SLC34A3: variants seen among roughly 807,000 people sequenced by gnomAD.
SLC34A3 encodes sodium-dependent phosphate transport protein 2C.
SLC34A3 carries 60 observed loss-of-function variants against 43.9 expected under a neutral mutation model. That is an observed-to-expected ratio of 1.37 (90% confidence interval 1.11 to 1.70). The LOEUF is 1.70. SLC34A3 is among the 40% of genes most tolerant of loss of function. SLC34A3 has a pLI of 0.00. For synonymous variants in SLC34A3, 451 were observed against 386.2 expected (o/e 1.17, Z -1.97); for missense variants, 969 against 823.8 (o/e 1.18, Z -2.16).
intron 7 of SLC34A3, 31 bp downstream of exon 7, chr9:137,233,435 G>C: frequency 2.5e-6 from 4 of 1,590,260 alleles, no homozygotes; most frequent in Non-Finnish European, 3.4e-6. Context: ...CGCCCAGAGA[G>C]CCTGAGCAGG....
In SLC34A3 at chr9:137,232,994, C is replaced by G. The variant is rs562371503; in HGVS notation, c.449-10C>G. On this transcript the variant is annotated splice_polypyrimidine_tract_variant and intron_variant, in intron 5 of 12. Coordinates refer to ENST00000673835, the MANE Select transcript of SLC34A3 (RefSeq NM_001177316.2). ...TGGGCCGCAGGCTGACTCAGCCCCCCCACCAGCAGTGCTGACTGTCCGGGT... is the reference window on the plus strand; with the variant it reads ...TGGGCCGCAGGCTGACTCAGCCCCCGCACCAGCAGTGCTGACTGTCCGGGT... 3.4e-5 allele frequency: 55 copies of G among 1,610,724 alleles called. No homozygotes were observed. Among genetic ancestry groups the G allele is most frequent in the Non-Finnish European group, 4.5e-5 (53 of 1,179,318 alleles).
Position 137,234,053 on chromosome 9 carries a change from G to GGCCCCC in SLC34A3, c.926-56_926-55insGCCCCC. On this transcript the variant is annotated intron_variant, in intron 9 of 12. Coordinates refer to ENST00000673835, the MANE Select transcript of SLC34A3 (RefSeq NM_001177316.2). This position sits in a 1 kb window ranked among gnomAD's most constrained non-coding sequence, Gnocchi z 6.9. ...CGGACAGGCTGCCCTGTGAGGCCCG[G>GGCCCCC]CCCACCCCGGCCCACCCCCCAGGCT... is the stretch of plus-strand genomic sequence containing the variant. The GGCCCCC allele has an allele frequency of 7.7e-7, 1 of 1,302,248 alleles. No individual in the cohort carries two copies. The highest frequency in any genetic ancestry group is 1.1e-6 in the Non-Finnish European group (1 of 939,804). The allele number at this position is 1,302,248 out of a possible 1,614,324, so 80.7% of individuals were successfully genotyped here. A position where few individuals can be genotyped will look rare whatever the true frequency, so the allele number is the denominator to read the frequency against.
chr9:137,233,779 T>TTGGGGGGCCCCCCCC, intron 8 of SLC34A3, 57 bp downstream of exon 8: 1 of 1,445,808 alleles, frequency 6.9e-7, no homozygotes, highest in South Asian at 1.2e-5. Flanking sequence ...TGCTGAGTCA[T>TTGGGGGGCCCCCCCC]CCCGCCCCAC....
chr9:137,233,245 C>T lies in SLC34A3; in HGVS notation c.597C>T (p.Asn199=). ...GCTCGGCGGTGCACGGGATCTTCAA[C>T]TGGCTCACAGTGCTGGTCCTGCTGC... ...FSGSAVHGIF[N]WLTVLVLLPL... Residue 199 remains asparagine (N), a synonymous_variant, in exon 7 of 13, where the codon AAC becomes AAT. Coordinates refer to ENST00000673835, the MANE Select transcript of SLC34A3 (RefSeq NM_001177316.2). The T allele has an allele frequency of 6.3e-7, 1 of 1,578,268 alleles. No individual in the cohort carries two copies. Among genetic ancestry groups the T allele is most frequent in the Non-Finnish European group, 8.6e-7 (1 of 1,162,184 alleles).
At position 137,234,711 on chromosome 9, in the gene SLC34A3, A is replaced by T. The variant is rs1224830012; in HGVS notation, c.1315A>T (p.Arg439Trp). The change falls in exon 12 of 13, where the codon AGG becomes TGG. Residue 439 changes from arginine to tryptophan, a missense_variant. Physicochemically the swap from Arg to Trp is moderately radical, Grantham distance 101 (BLOSUM62 -3). Transcript: ENST00000673835. This position sits in a 1 kb window ranked among gnomAD's most constrained non-coding sequence, Gnocchi z 6.9. ...GGCTGCCCTGGCCAGCCCCGCAGAC[A>T]GGATGCTCAGCGCCCTGCAGGTACT... ...LLAALASPAD[R>W]MLSALQVALI... The T allele has an allele frequency of 6.2e-7, 1 of 1,611,004 alleles. No individual in the cohort carries two copies. Among genetic ancestry groups the T allele is most frequent in the South Asian group, 1.1e-5 (1 of 91,082 alleles).
rs570528948 is a variant in SLC34A3, at chr9:137,232,610, G to A, written c.211G>A (p.Gly71Ser). The A allele has an allele frequency of 7.4e-5, 120 of 1,612,248 alleles. No homozygotes were observed. The South Asian group carries it at 9.4e-4, about 13-fold the overall frequency. Residue 71 changes from glycine to serine, a missense_variant, in exon 4 of 13, where the codon GGC becomes AGC. Physicochemically the swap from Gly to Ser is moderately conservative, Grantham distance 56 (BLOSUM62 0). Coordinates refer to ENST00000673835, the MANE Select transcript of SLC34A3 (RefSeq NM_001177316.2). ...RVAGRLRRVA[G>S]SVLKACGLLG... ...GGCCGGCAGGCTGCGCCGCGTGGCC[G>A]GCAGCGTCCTCAAGGCCTGCGGGCT...
chr9:137,233,060 A>G lies in SLC34A3; in HGVS notation c.505A>G (p.Ile169Val), dbSNP rs1836337975. 1 of 1,611,390 alleles carries G rather than the reference A, an allele frequency of 6.2e-7. No homozygotes were observed. The highest frequency in any genetic ancestry group is 1.3e-5 in the African/African-American group (1 of 74,798). Residue 169 changes from isoleucine to valine, a missense_variant, in exon 6 of 13, where the codon ATC becomes GTC. Ile to Val is a conservative substitution (Grantham distance 29). Transcript: ENST00000673835. ...IIMGVNVGTS[I>V]TSTLVSMAQS... ...CATGGGTGTCAACGTAGGCACATCC[A>G]TCACCAGCACCCTGGTCTCAATGGC...
In SLC34A3 at chr9:137,233,121, T is replaced by C. The variant is rs758554371; in HGVS notation, c.560+6T>C. On this transcript the variant is annotated splice_donor_region_variant and intron_variant, in intron 6 of 12. Transcript: ENST00000673835. ...GACCGGGATGAATTTCAGAGGTGAGTTGTGGGTGGAAGGGCTGGGCTGGGG... is the reference window on the plus strand; with the variant it reads ...GACCGGGATGAATTTCAGAGGTGAGCTGTGGGTGGAAGGGCTGGGCTGGGG... 1.6e-5 allele frequency: 25 copies of C among 1,581,734 alleles called. No individual in the cohort carries two copies. Among genetic ancestry groups the C allele is most frequent in the Middle Eastern group, 2.3e-4 (1 of 4,348 alleles).
In SLC34A3 at chr9:137,234,109, G is replaced by A. The variant is rs1405547154; in HGVS notation, c.926G>A (p.Cys309Tyr). 3 of 1,457,156 alleles carry A rather than the reference G, an allele frequency of 2.1e-6. No homozygotes were observed. Among genetic ancestry groups the A allele is most frequent in the African/African-American group, 1.5e-5 (1 of 68,720 alleles). 90.3% of individuals were successfully genotyped at this position (1,457,156 alleles called of 1,614,324 possible). Residue 309 changes from cysteine (C) to tyrosine (Y), a missense_variant and splice_region_variant, in exon 10 of 13, where the codon TGC becomes TAC. By Grantham distance (194) the Cys-to-Tyr change is radical. Coordinates refer to ENST00000673835, the MANE Select transcript of SLC34A3 (RefSeq NM_001177316.2). The surrounding 1 kb of genome is among the most constrained non-coding windows in gnomAD (Gnocchi z 6.9). ...NSTAPADRLP[C>Y]RHLFAGTELT... ...TCACCTGCCCCTGCCCTGCCCCCAG[G>A]CCGCCACCTGTTTGCGGGCACGGAG...
At position 137,231,873 on chromosome 9, in the gene SLC34A3, C is replaced by T. The variant is rs538356495; in HGVS notation, c.85+86C>T. ...GGGCAGAGACAGGCCAGGTTTCCTG[C>T]GGGCCTCCCGGGGAACCCACAGGGC... On this transcript the variant is annotated intron_variant, in intron 2 of 12. Coordinates refer to ENST00000673835, the MANE Select transcript of SLC34A3 (RefSeq NM_001177316.2). 92 of 1,282,846 alleles carry T rather than the reference C, an allele frequency of 7.2e-5. 1 individual carries two copies. The Admixed American group carries it at 1.0e-3, about 14-fold the overall frequency. The allele number at this position is 1,282,846 out of a possible 1,614,324, so 79.5% of individuals were successfully genotyped here.
At position 137,234,758 on chromosome 9, in the gene SLC34A3, G is replaced by A. The variant is rs1836489363; in HGVS notation, c.1335+27G>A. The A allele has an allele frequency of 6.2e-6, 10 of 1,602,774 alleles. No homozygotes were observed. The highest frequency in any genetic ancestry group is 1.3e-5 in the African/African-American group (1 of 74,844). On this transcript the variant is annotated intron_variant, in intron 12 of 12. Coordinates refer to ENST00000673835, the MANE Select transcript of SLC34A3 (RefSeq NM_001177316.2). The surrounding 1 kb of genome is among the most constrained non-coding windows in gnomAD (Gnocchi z 6.9). ...TACTGTCCACCCTGCCCCGCTGCCA[G>A]AACTGGCCAGCTTCCTCTCAGCCCC...
In SLC34A3 at chr9:137,233,541, G is replaced by A; in HGVS notation, c.757-92G>A. On this transcript the variant is annotated intron_variant, in intron 7 of 12. Coordinates refer to ENST00000673835, the MANE Select transcript of SLC34A3 (RefSeq NM_001177316.2). ...GACAGGGGAGGAGAGGGCAGCAGTG[G>A]GCAGGGCTGGGCTGGACCCCGCGGG... is the stretch of plus-strand genomic sequence containing the variant. 5.2e-6 allele frequency: 8 copies of A among 1,550,566 alleles called. No homozygotes were observed. The South Asian group carries it at 8.9e-5, about 17-fold the overall frequency.
chr9:137,234,829 GC>G lies in SLC34A3; in HGVS notation c.1335+103del. 6 of 1,565,646 alleles carry G rather than the reference GC, an allele frequency of 3.8e-6. No homozygotes were observed. Among genetic ancestry groups the G allele is most frequent in the Non-Finnish European group, 5.2e-6 (6 of 1,155,122 alleles). ...AGCCCCGGGGCCCTAGGCTGGCTGT[GC>G]CCCCGCCTTCCTGGACCCCTTCCCT... On this transcript the variant is annotated intron_variant, in intron 12 of 12. Transcript: ENST00000673835. The surrounding 1 kb of genome is among the most constrained non-coding windows in gnomAD (Gnocchi z 6.9).
chr9:137,233,273 C>A lies in SLC34A3; in HGVS notation c.625C>A (p.Leu209Met), dbSNP rs34796681. The A allele has an allele frequency of 2.1e-5, 33 of 1,584,266 alleles. No homozygotes were observed. The highest frequency in any genetic ancestry group is 2.8e-5 in the Non-Finnish European group (33 of 1,165,498). Residue 209 changes from leucine (L) to methionine (M), a missense_variant, in exon 7 of 13, where the codon CTG becomes ATG. Physicochemically the swap from Leu to Met is conservative, Grantham distance 15 (BLOSUM62 2). Transcript: ENST00000673835. ...GCTCACAGTGCTGGTCCTGCTGCCA[C>A]TGGAGAGCGCCACGGCCCTGCTGGA... ...NWLTVLVLLP[L>M]ESATALLERL...
At position 137,236,261 on chromosome 9, in the gene SLC34A3, T is replaced by C. The variant is rs953139629; in HGVS notation, c.1645T>C (p.Trp549Arg). The change falls in exon 13 of 13, where the codon TGG (tryptophan) becomes CGG (arginine). Residue 549 changes from tryptophan (W) to arginine (R), a missense_variant. By Grantham distance (101) the Trp-to-Arg change is moderately radical. Coordinates refer to ENST00000673835, the MANE Select transcript of SLC34A3 (RefSeq NM_001177316.2). ...PAWLPVRLRS[W>R]AWLPVWLHSL... is the part of the protein sequence containing the mutation. Reference sequence around the variant, plus strand: ...CTGGCTGCCTGTCCGCCTGCGCTCCTGGGCCTGGCTCCCCGTCTGGCTCCA... The same window carrying C: ...CTGGCTGCCTGTCCGCCTGCGCTCCCGGGCCTGGCTCCCCGTCTGGCTCCA... 3 of 1,545,380 alleles carry C rather than the reference T, an allele frequency of 1.9e-6. No homozygotes were observed. Among genetic ancestry groups the C allele is most frequent in the Non-Finnish European group, 2.6e-6 (3 of 1,147,974 alleles).
chr9:137,229,739 AGGGCT>A (rs1836094418), upstream of SLC34A3: 1 of 152,862 alleles, frequency 6.5e-6, no homozygotes, highest in African/African-American at 2.4e-5. Context: ...AGGCCAACAG[AGGGCT>A]GGGGCCTGCT....
At position 137,233,027 on chromosome 9, in the gene SLC34A3, C is replaced by T. The variant is rs387907510; in HGVS notation, c.472C>T (p.Pro158Ser). 6.2e-6 allele frequency: 10 copies of T among 1,611,816 alleles called. No individual in the cohort carries two copies. The highest frequency in any genetic ancestry group is 8.5e-6 in the Non-Finnish European group (10 of 1,179,836). Residue 158 changes from proline (P) to serine (S), a missense_variant, in exon 6 of 13, where the codon CCC (proline) becomes TCC (serine). By Grantham distance (74) the Pro-to-Ser change is moderately conservative. Transcript: ENST00000673835. ...AGTGCTGACTGTCCGGGTGTCTGTG[C>T]CCATCATCATGGGTGTCAACGTAGG... Reference protein sequence around the residue: ...AKLLTVRVSVPIIMGVNVGTS... With the variant: ...AKLLTVRVSVSIIMGVNVGTS...
rs1287962903 is a variant in SLC34A3 at position 137,232,531 on chromosome 9, C to T, written c.176-44C>T. The stretch of plus-strand genomic sequence containing the variant: ...TGAGGGGCCTGGGAGGGAGACCTGT[C>T]AGGGTGGAGGGCCAGCCAGGGACAG... On this transcript the variant is annotated intron_variant, in intron 3 of 12. Transcript: ENST00000673835. The T allele has an allele frequency of 1.9e-6, 3 of 1,608,726 alleles. No individual in the cohort carries two copies. The South Asian group carries it at 3.3e-5, about 18-fold the overall frequency.
intron 1 of SLC34A3, 62 bp from the exon 2 acceptor site, chr9:137,231,602 G>C: frequency 9.4e-7 from 1 of 1,066,164 alleles, no homozygotes; most frequent in Non-Finnish European, 1.4e-6. Flanking sequence ...TGTGAATCCA[G>C]CTTGTGAGGA....
Sources: gnomAD v4.1 joint callset for allele counts on GRCh38, gnomAD v4.1.1 for gene constraint, Gnocchi (gnomAD v3.1) non-coding constraint, MANE v1.5 for transcripts, NCBI Gene and HGNC (gene_info 2026-07-23, HGNC 2026-07-21) for gene names.